The following CLSTN2 variants were observed in gnomAD, a reference collection of about 807,000 sequenced individuals.
CLSTN2 encodes calsyntenin 2, also known as calsyntenin-2.
Under a neutral mutation model 101.2 loss-of-function variants are expected in CLSTN2, and 48 were observed. The ratio of observed to expected loss-of-function variants is 0.47; its 90% CI spans 0.38 to 0.60. The LOEUF (loss-of-function observed/expected upper bound fraction) is 0.60. CLSTN2 is among the 20% of genes least tolerant of loss of function. CLSTN2 has a pLI of 0.00. For synonymous variants in CLSTN2, 481 were observed against 463.6 expected (o/e 1.04, Z -0.48); for missense variants, 1,160 against 1,238.2 (o/e 0.94, Z 0.95).
intron 8 of CLSTN2, among the ~76,000 whole-genome samples, chr3:140,520,685 G>T (rs1412382539): frequency 6.6e-5 from 10 of 152,152 alleles, no homozygotes; most frequent in African/African-American, 2.4e-4. Context: ...GTTCTCTGCA[G>T]TTCCTGAATT....
At chr3:140,467,990 A>T (rs549851798) in intron 8 of CLSTN2, among the ~76,000 whole-genome samples, 1 of 152,350 alleles carries the variant, frequency 6.6e-6, no homozygotes, top group South Asian at 2.1e-4. Flanking sequence ...AAGATTAAGG[A>T]TGCCAAGCTG....
intron 8 of CLSTN2, among the ~76,000 whole-genome samples, chr3:140,517,197 GCTAT>G (rs1276664412): frequency 6.6e-6 from 1 of 151,992 alleles, no homozygotes; most frequent in African/African-American, 2.4e-5. Context: ...TTTCACTTAT[GCTAT>G]CTATTTTACT....
At chr3:140,551,760 G>C (rs148477662) in intron 10 of CLSTN2, among the ~76,000 whole-genome samples, 3,740 of 150,752 alleles carry the variant, frequency 0.025, 74 homozygotes, top group Non-Finnish European at 0.036. Flanking sequence ...TATTTACCTT[G>C]TAGTGATGTT....
intron 2 of CLSTN2, among the ~76,000 whole-genome samples, chr3:140,250,483 T>A (rs2086554081): frequency 6.6e-6 from 1 of 152,200 alleles, no homozygotes; most frequent in Admixed American, 6.5e-5. Flanking sequence ...TCATGAAGTT[T>A]TCATAGGGAA....
intron 2 of CLSTN2, among the ~76,000 whole-genome samples, chr3:140,381,260 A>G (rs1018438281): frequency 6.6e-6 from 1 of 152,124 alleles, no homozygotes; most frequent in African/African-American, 2.4e-5. Context: ...TCCCCTTTTG[A>G]TAAGTACATA....
chr3:140,493,661 G>A (rs1474948741), intron 8 of CLSTN2, among the ~76,000 whole-genome samples: 1 of 152,094 alleles, frequency 6.6e-6, no homozygotes, highest in Non-Finnish European at 1.5e-5. Context: ...GGAAGGAGAG[G>A]GTCAAAGGCA....
chr3:139,954,682 A>G (rs1011888711), intron 1 of CLSTN2, among the ~76,000 whole-genome samples: 15 of 152,182 alleles, frequency 9.9e-5, no homozygotes, highest in Non-Finnish European at 1.2e-4. Flanking sequence ...CAGAGCACCT[A>G]TAAGTGGATT....
intron 8 of CLSTN2, among the ~76,000 whole-genome samples, chr3:140,512,166 T>C (rs1181139053): frequency 6.6e-6 from 1 of 152,180 alleles, no homozygotes; most frequent in Admixed American, 6.5e-5. Flanking sequence ...ATTTTTGCTT[T>C]TGTTTCAAAA....
At chr3:140,371,740 A>G (rs2087859699) in intron 2 of CLSTN2, among the ~76,000 whole-genome samples, 2 of 152,194 alleles carry the variant, frequency 1.3e-5, no homozygotes, top group South Asian at 4.2e-4. Context: ...TGGCATCTCT[A>G]CCAAACCAGT....
chr3:140,478,169 G>A (rs1934027865), intron 8 of CLSTN2, among the ~76,000 whole-genome samples: 1 of 152,008 alleles, frequency 6.6e-6, no homozygotes, highest in Admixed American at 6.6e-5. Context: ...ATTTTTAGGA[G>A]TTTCTAACAC....
intron 10 of CLSTN2, among the ~76,000 whole-genome samples, chr3:140,551,744 T>G (rs1935707255): frequency 6.6e-6 from 1 of 151,488 alleles, no homozygotes; most frequent in African/African-American, 2.4e-5. Flanking sequence ...TAAAATAAAT[T>G]GATATTATTT....
rs375687194 is a variant in CLSTN2, at chr3:140,475,917, G to A, written c.1344+9186G>A. 4.8e-4 allele frequency among the ~76,000 whole-genome samples: 73 copies of A among 152,294 alleles called. No homozygotes were observed. In the South Asian group the frequency reaches 7.1e-3, roughly 15 times the overall value. On this transcript the variant is annotated intron_variant, in intron 8 of 16. Transcript: ENST00000458420. ...TTGTTTTACAGTTAAAAAGAATGAA[G>A]TAACGTCAACACAATTATAAATGCT...
At chr3:140,492,126 A>G (rs889963806) in intron 8 of CLSTN2, among the ~76,000 whole-genome samples, 2 of 148,226 alleles carry the variant, frequency 1.3e-5, no homozygotes, top group Non-Finnish European at 3.0e-5. Flanking sequence ...GAGCTATACC[A>G]AGCACCCACC....
At chr3:140,310,281 C>G (rs1457886314) in intron 2 of CLSTN2, among the ~76,000 whole-genome samples, 1 of 152,076 alleles carries the variant, frequency 6.6e-6, no homozygotes, top group Non-Finnish European at 1.5e-5. Context: ...GCCCCCACCG[C>G]ACCCCCTCCC....
chr3:140,277,990 G>A (rs185758953), intron 2 of CLSTN2, among the ~76,000 whole-genome samples: 27 of 152,254 alleles, frequency 1.8e-4, no homozygotes, highest in African/African-American at 4.1e-4. Flanking sequence ...TGCCAATTCC[G>A]AGAGATATTC....
intron 6 of CLSTN2, among the ~76,000 whole-genome samples, chr3:140,455,656 A>G (rs374226969): frequency 1.1e-3 from 160 of 152,298 alleles, no homozygotes; most frequent in Middle Eastern, 6.8e-3. Context: ...AGGATTCCAA[A>G]GGAGCATCTT....
intron 8 of CLSTN2, among the ~76,000 whole-genome samples, chr3:140,480,496 G>T (rs1200818420): frequency 6.6e-6 from 1 of 152,138 alleles, no homozygotes; most frequent in Admixed American, 6.5e-5. Context: ...GTAATTTCTA[G>T]TTCTAGATCC....
chr3:140,083,943 C>T (rs1034767748), intron 1 of CLSTN2, among the ~76,000 whole-genome samples: 3 of 152,114 alleles, frequency 2.0e-5, no homozygotes, highest in Admixed American at 2.0e-4. Flanking sequence ...CAGTAAGCAT[C>T]AAAAGTGGAC....
intron 1 of CLSTN2, among the ~76,000 whole-genome samples, chr3:140,049,587 A>G (rs2007950442): frequency 6.6e-6 from 1 of 152,154 alleles, no homozygotes; most frequent in Non-Finnish European, 1.5e-5. Flanking sequence ...GGTTGTCCAT[A>G]GACACCTTCT....
Sources: allele counts gnomAD v4.1 joint callset (sites outside exome capture counted in the v4.1 genomes callset), GRCh38; gene constraint gnomAD v4.1.1; transcripts MANE v1.5; gene names NCBI Gene and HGNC (gene_info 2026-07-23, HGNC 2026-07-21).